Variants in TBC1D5 observed in about 807,000 individuals in gnomAD.
TBC1D5 encodes TBC1 domain family member 5.
TBC1D5 carries 75 observed loss-of-function variants against 100.3 expected under a neutral mutation model. The observed-to-expected ratio is 0.75, with a 90% CI of 0.62 to 0.91. TBC1D5 has a LOEUF of 0.91. TBC1D5 is among the 40% of genes least tolerant of loss of function. The probability of loss-of-function intolerance (pLI) is 0.00; values close to 1 mark genes in which losing one functional copy is unlikely to be tolerated. For synonymous variants in TBC1D5, 323 were observed against 325.6 expected, an observed-to-expected ratio of 0.99 and a Z score of 0.09; for missense variants, 910 against 942.4, an observed-to-expected ratio of 0.97 and a Z score of 0.45.
chr3:17,433,755 C>T (rs2094485767), intron 3 of TBC1D5, among the ~76,000 whole-genome samples: 1 of 152,078 alleles, frequency 6.6e-6, no homozygotes, highest in Non-Finnish European at 1.5e-5. Flanking sequence ...AGTCCAAGTC[C>T]AAGGTCTTAT....
chr3:17,187,714 G>A (rs1438630456), intron 18 of TBC1D5, among the ~76,000 whole-genome samples: 3 of 152,184 alleles, frequency 2.0e-5, no homozygotes, highest in Non-Finnish European at 4.4e-5. Flanking sequence ...CCCAATGAGC[G>A]GAGTCTAGAA....
intron 14 of TBC1D5, among the ~76,000 whole-genome samples, chr3:17,292,558 C>T (rs931470567): frequency 6.6e-6 from 1 of 152,028 alleles, no homozygotes. Flanking sequence ...AGCAGCATTT[C>T]TTGGAGGAAA....
chr3:17,199,644 T>C (rs1295516095), intron 18 of TBC1D5, among the ~76,000 whole-genome samples: 1 of 152,144 alleles, frequency 6.6e-6, no homozygotes, highest in Admixed American at 6.5e-5. Flanking sequence ...TTTTGGACCA[T>C]GTGGTAGTAT....
At chr3:17,539,432 A>C (rs1461963500) in intron 2 of TBC1D5, among the ~76,000 whole-genome samples, 1 of 152,254 alleles carries the variant, frequency 6.6e-6, no homozygotes, top group Admixed American at 6.5e-5. Flanking sequence ...TTTGCCTATA[A>C]GAGACAGTTT....
Position 17,403,170 on chromosome 3 carries a change from GT to G in TBC1D5, c.509+10del, listed in dbSNP as rs750847359. 6.4e-7 allele frequency: 1 copy of G among 1,568,960 alleles called. No homozygotes were observed. The highest frequency in any genetic ancestry group is 1.2e-5 in the South Asian group (1 of 85,818). On this transcript the variant is annotated intron_variant, in intron 8 of 21. Coordinates refer to ENST00000253692, the Ensembl canonical transcript of TBC1D5. ...AATTATTGAAAGTAACATGTAAATA[GT>G]TCTACATACGTTCTTTTGACATCTT... is the stretch of plus-strand genomic sequence containing the variant.
At chr3:17,490,350 T>A (rs1310411012) in intron 3 of TBC1D5, among the ~76,000 whole-genome samples, 2 of 152,192 alleles carry the variant, frequency 1.3e-5, no homozygotes, top group Non-Finnish European at 2.9e-5. Flanking sequence ...TTAGATCCCA[T>A]TTGTCAATTT....
At chr3:17,329,207 T>C (rs1019778943) in intron 13 of TBC1D5, among the ~76,000 whole-genome samples, 1 of 152,340 alleles carries the variant, frequency 6.6e-6, no homozygotes, top group South Asian at 2.1e-4. Flanking sequence ...TCCGTGGTGA[T>C]AACTTGATTA....
At chr3:17,182,286 AACAGCTATGTGAAC>A (rs1192725735) in intron 19 of TBC1D5, among the ~76,000 whole-genome samples, 6 of 152,228 alleles carry the variant, frequency 3.9e-5, no homozygotes, top group Non-Finnish European at 7.3e-5. Flanking sequence ...AAAAAAAGTC[AACAGCTATGTGAAC>A]GAGTTCTGGC....
chr3:17,576,938 A>G (rs997163813), intron 2 of TBC1D5, among the ~76,000 whole-genome samples: 1 of 152,064 alleles, frequency 6.6e-6, no homozygotes, highest in African/African-American at 2.4e-5. Flanking sequence ...TTATAATCAC[A>G]TGTAATATAG....
intron 2 of TBC1D5, among the ~76,000 whole-genome samples, chr3:17,524,353 G>A (rs973634549): frequency 1.3e-5 from 2 of 152,106 alleles, no homozygotes; most frequent in African/African-American, 4.8e-5. Flanking sequence ...AGTTTAGGAA[G>A]GCAATAACTA....
intron 1 of TBC1D5, among the ~76,000 whole-genome samples, chr3:17,681,241 C>A (rs1409208770): frequency 6.6e-6 from 1 of 151,484 alleles, no homozygotes; most frequent in Admixed American, 6.6e-5. Context: ...CATTTCTGAA[C>A]AAAGAAAAAG....
chr3:17,735,067 T>C (rs1266451800), intron 1 of TBC1D5, among the ~76,000 whole-genome samples: 5 of 152,124 alleles, frequency 3.3e-5, no homozygotes, highest in Non-Finnish European at 7.4e-5. Context: ...CATTCCAGCC[T>C]GGGCAACAGA....
intron 15 of TBC1D5, among the ~76,000 whole-genome samples, chr3:17,267,539 G>C (rs2149593950): frequency 6.6e-6 from 1 of 152,252 alleles, no homozygotes; most frequent in South Asian, 2.1e-4. Flanking sequence ...TTGGGAAACA[G>C]AGGTAAAGTC....
intron 1 of TBC1D5, among the ~76,000 whole-genome samples, chr3:17,689,550 G>GA (rs2070805081): frequency 1.3e-5 from 2 of 149,998 alleles, no homozygotes; most frequent in African/African-American, 4.9e-5. Flanking sequence ...AAGAAAAAGA[G>GA]AAAAAAGGGA....
At chr3:17,191,704 C>T (rs1183312588) in intron 18 of TBC1D5, among the ~76,000 whole-genome samples, 2 of 151,996 alleles carry the variant, frequency 1.3e-5, no homozygotes, top group African/African-American at 2.4e-5. Context: ...GCAACCTCTG[C>T]CTCCCACGTT....
At chr3:17,249,010 A>C (rs756564040) in intron 16 of TBC1D5, among the ~76,000 whole-genome samples, 1 of 152,062 alleles carries the variant, frequency 6.6e-6, no homozygotes, top group African/African-American at 2.4e-5. Flanking sequence ...CTAGCTTCCA[A>C]CTTTTCTTCT....
At chr3:17,337,568 G>A (rs767494809) in intron 13 of TBC1D5, 12 of 152,130 alleles carry the variant, frequency 7.9e-5, no homozygotes, top group Non-Finnish European at 1.5e-4. Context: ...TGAGCCTCTT[G>A]TGTCACAGTA....
At chr3:17,429,908 T>A (rs1026319087) in intron 3 of TBC1D5, among the ~76,000 whole-genome samples, 1 of 151,728 alleles carries the variant, frequency 6.6e-6, no homozygotes, top group South Asian at 2.1e-4. Flanking sequence ...AAAATATTGT[T>A]CCAGTTTATT....
intron 1 of TBC1D5, among the ~76,000 whole-genome samples, chr3:17,644,758 T>G (rs1200918493): frequency 2.0e-5 from 3 of 152,166 alleles, no homozygotes; most frequent in African/African-American, 7.2e-5. Flanking sequence ...TAAAAGTGAT[T>G]TATTTTCATA....
Sources: gnomAD v4.1 joint callset for allele counts (sites outside exome capture counted in the v4.1 genomes callset) on GRCh38, gnomAD v4.1.1 for gene constraint, MANE v1.5 for transcripts, NCBI Gene and HGNC (gene_info 2026-07-23, HGNC 2026-07-21) for gene names.